ABTB1: variants seen among roughly 807,000 people sequenced by gnomAD.
The protein encoded by ABTB1 is ankyrin repeat and BTB/POZ domain-containing protein 1.
A neutral mutation model predicts 57.1 loss-of-function variants in ABTB1; 45 were observed. The ratio of observed to expected loss-of-function variants is 0.79; its 90% CI spans 0.62 to 1.01. ABTB1 has a LOEUF of 1.01. Among genes scored for constraint, ABTB1 ranks in the 50% least tolerant of loss-of-function variants. ABTB1 has a pLI of 0.00. For missense variants in ABTB1, 630 were observed against 666.3 expected (o/e 0.95, Z 0.60); for synonymous variants, 302 against 275.4 (o/e 1.10, Z -0.95).
At position 127,674,557 on chromosome 3, in the gene ABTB1, C is replaced by T. The variant is rs763634953; in HGVS notation, c.132C>T (p.Cys44=). 2 of 1,614,196 alleles carry T rather than the reference C, an allele frequency of 1.2e-6. No individual in the cohort carries two copies. Among genetic ancestry groups the T allele is most frequent in the East Asian group, 2.2e-5 (1 of 44,878 alleles). ...KWDSTPLYYA[C]LCGHEELVLY... ...TTCCTCCCTTCAGGTACTATGCCTG[C>T]TTGTGTGGGCACGAGGAGCTGGTAC... is the stretch of plus-strand genomic sequence containing the variant. Residue 44 remains cysteine, a synonymous_variant, in exon 3 of 12, where the codon TGC becomes TGT. Coordinates refer to ENST00000232744, the MANE Select transcript of ABTB1 (RefSeq NM_172027.3).
Position 127,677,236 on chromosome 3 carries a change from C to A in ABTB1, c.712C>A (p.Arg238=), listed in dbSNP as rs756189995. ...IEPPPADPRL[R]EDMALLADCA... is the part of the protein sequence containing the mutation. Reference sequence around the variant, plus strand: ...GCCCCCACCTGCAGACCCCCGCCTCCGGGAGGACATGGCGCTGCTGGCCGA... The same window carrying A: ...GCCCCCACCTGCAGACCCCCGCCTCAGGGAGGACATGGCGCTGCTGGCCGA... The change falls in exon 8 of 12, where the codon CGG becomes AGG. Residue 238 remains arginine (R), a synonymous_variant. Coordinates refer to ENST00000232744, the MANE Select transcript of ABTB1 (RefSeq NM_172027.3). 1 of 1,603,592 alleles carries A rather than the reference C, an allele frequency of 6.2e-7. No individual in the cohort carries two copies. Among genetic ancestry groups the A allele is most frequent in the Admixed American group, 1.7e-5 (1 of 58,254 alleles).
intron 3 of ABTB1, among the ~76,000 whole-genome samples, chr3:127,675,267 T>TTC (rs2074951840): frequency 1.4e-5 from 2 of 144,120 alleles, no homozygotes; most frequent in African/African-American, 5.1e-5. Flanking sequence ...GTTTTTTCTT[T>TTC]TTTTTTTTTT....
At chr3:127,675,224 C>A (rs1258913576) in intron 3 of ABTB1, among the ~76,000 whole-genome samples, 1 of 151,908 alleles carries the variant, frequency 6.6e-6, no homozygotes, top group East Asian at 1.9e-4. Context: ...TCATGACTTC[C>A]CTTCATTCAG....
chr3:127,680,357 T>A lies in ABTB1; in HGVS notation c.1319T>A (p.Val440Glu), dbSNP rs2107562097. Reference sequence around the variant, plus strand: ...CAGGAGACGGACTCTATCCCGCTGGTGGACGACATCCGCTTCCACGTGGCC... The same window carrying A: ...CAGGAGACGGACTCTATCCCGCTGGAGGACGACATCCGCTTCCACGTGGCC... Reference protein sequence around the residue: ...ARQETDSIPLVDDIRFHVAST... With the variant: ...ARQETDSIPLEDDIRFHVAST... The change falls in exon 12 of 12, where the codon GTG (valine) becomes GAG (glutamate). Residue 440 changes from valine (V) to glutamate (E), a missense_variant. By Grantham distance (121) the Val-to-Glu change is moderately radical. Around this residue, in one of 3 missense-constraint regions of ABTB1, gnomAD observed 8 missense variants for 24.2 expected, o/e 0.33. Transcript: ENST00000232744. The A allele has an allele frequency of 6.2e-7, 1 of 1,609,108 alleles. No individual in the cohort carries two copies. Among genetic ancestry groups the A allele is most frequent in the East Asian group, 2.2e-5 (1 of 44,666 alleles).
rs775727943 is a variant in ABTB1 at position 127,673,075 on chromosome 3, G to A, written c.50G>A (p.Arg17Gln). ...FASCRKGDVG[R>Q]VRYLLEQRDV... ...AGCTGCAGGAAGGGGGATGTGGGCC[G>A]AGTGCGGTGAGGACCTCGCAGTCCC... Residue 17 changes from arginine to glutamine, a missense_variant, in exon 1 of 12, where the codon CGA becomes CAA. Coordinates refer to ENST00000232744, the MANE Select transcript of ABTB1 (RefSeq NM_172027.3). The A allele has an allele frequency of 6.4e-7, 1 of 1,571,156 alleles. No individual in the cohort carries two copies. The highest frequency in any genetic ancestry group is 8.6e-7 in the Non-Finnish European group (1 of 1,158,682).
chr3:127,674,356 G>A (rs375767771), intron 1 of ABTB1, 35 bp from the exon 2 acceptor site: 9 of 1,589,134 alleles, frequency 5.7e-6, no homozygotes, highest in South Asian at 3.4e-5. Context: ...CCATGAACCC[G>A]TCCTGACCCA....
intron 3 of ABTB1, 118 bp from the exon 4 acceptor site, chr3:127,675,852 G>T: frequency 7.2e-7 from 1 of 1,387,036 alleles, no homozygotes; most frequent in Non-Finnish European, 9.8e-7. Flanking sequence ...GGGTAATTTG[G>T]GAAGGCATCG....
At chr3:127,677,339 C>G (rs918203709) in intron 8 of ABTB1, 53 bp downstream of exon 8, 185 of 1,559,848 alleles carry the variant, frequency 1.2e-4, no homozygotes, top group Non-Finnish European at 1.1e-4. Flanking sequence ...CAGGCCGTGA[C>G]AGGCAGCCCA....
At chr3:127,679,954 G>A (rs2075088325) in intron 10 of ABTB1, 31 bp from the exon 11 acceptor site, 1 of 1,610,088 alleles carries the variant, frequency 6.2e-7, no homozygotes, top group Non-Finnish European at 8.5e-7. Flanking sequence ...GGTGACCTCG[G>A]GGGGCACCTT....
rs1259239030 is a variant in ABTB1, at chr3:127,676,016, T to C, written c.222T>C (p.Tyr74=). ...CCTTCGATGGTGAGCGCTGCCTCTA[T>C]GGGGCACTGAGTGACCCCATCCGCC... ...ANTFDGERCL[Y]GALSDPIRRA... is the part of the protein sequence containing the mutation. The change falls in exon 4 of 12, where the codon TAT becomes TAC. Residue 74 remains tyrosine, a synonymous_variant. Coordinates refer to ENST00000232744, the MANE Select transcript of ABTB1 (RefSeq NM_172027.3). The surrounding 1 kb of genome is among the most constrained non-coding windows in gnomAD (Gnocchi z 5.4). The C allele has an allele frequency of 6.2e-7, 1 of 1,612,708 alleles. No individual in the cohort carries two copies. Among genetic ancestry groups the C allele is most frequent in the South Asian group, 1.1e-5 (1 of 91,016 alleles).
At chr3:127,679,653 C>A (rs1243788602) in intron 10 of ABTB1, 3 of 515,856 alleles carry the variant, frequency 5.8e-6, no homozygotes, top group Non-Finnish European at 7.5e-6. Context: ...TTGCCCAGGG[C>A]CCCACAGCTA....
At chr3:127,678,616 A>G (rs946904841) in intron 10 of ABTB1, 30 of 152,414 alleles carry the variant, frequency 2.0e-4, no homozygotes, top group African/African-American at 6.3e-4. Context: ...GCTGCATTCC[A>G]ATAAAACTTT....
chr3:127,678,089 T>C (rs187851679), intron 10 of ABTB1: 55 of 292,912 alleles, frequency 1.9e-4, no homozygotes, highest in African/African-American at 1.2e-3. Flanking sequence ...GTCAGCCACT[T>C]GGGATCCTCA....
rs1431326236 is a variant in ABTB1 at position 127,677,753 on chromosome 3, C to T, written c.939C>T (p.Thr313=). The T allele has an allele frequency of 7.4e-6, 12 of 1,611,554 alleles. No homozygotes were observed. Among genetic ancestry groups the T allele is most frequent in the Non-Finnish European group, 1.0e-5 (12 of 1,179,196 alleles). Reference sequence around the variant, plus strand: ...TCCGAGAGAGCGAGGAGCCAGCGACCTCAGGGGGCCCCCCAGCCGTCACCC... The same window carrying T: ...TCCGAGAGAGCGAGGAGCCAGCGACTTCAGGGGGCCCCCCAGCCGTCACCC... ...DHFRESEEPA[T]SGGPPAVTLH... Residue 313 remains threonine (T), a synonymous_variant, in exon 10 of 12, where the codon ACC becomes ACT. Transcript: ENST00000232744.
chr3:127,676,563 C>T lies in ABTB1; in HGVS notation c.508C>T (p.Leu170=). ...LINPVAFGAL[L]QYLYTGRLDI... is the part of the protein sequence containing the mutation. ...CAACCCCGTGGCCTTTGGGGCCCTG[C>T]TGCAGTACCTGTACACAGGTGACCC... is the stretch of plus-strand genomic sequence containing the variant. The change falls in exon 6 of 12, where the codon CTG becomes TTG. Residue 170 remains leucine, a synonymous_variant. Coordinates refer to ENST00000232744, the MANE Select transcript of ABTB1 (RefSeq NM_172027.3). The surrounding 1 kb of genome is among the most constrained non-coding windows in gnomAD (Gnocchi z 5.4). 3.1e-6 allele frequency: 5 copies of T among 1,613,994 alleles called. No homozygotes were observed. The highest frequency in any genetic ancestry group is 4.2e-6 in the Non-Finnish European group (5 of 1,179,988).
Position 127,676,970 on chromosome 3 carries a change from G to T in ABTB1, c.530G>T (p.Arg177Leu). The T allele has an allele frequency of 6.2e-7, 1 of 1,613,166 alleles. No individual in the cohort carries two copies. The highest frequency in any genetic ancestry group is 8.5e-7 in the Non-Finnish European group (1 of 1,179,600). ...TCATCCTCCCCACTGCCCCCAGGCC[G>T]CCTGGACATTGGCGTAGAGCATGTG... ...GALLQYLYTGRLDIGVEHVSD... is the reference protein window; with the variant it reads ...GALLQYLYTGLLDIGVEHVSD... Residue 177 changes from arginine to leucine, a missense_variant, in exon 7 of 12, where the codon CGC (arginine) becomes CTC (leucine). Transcript: ENST00000232744. This position sits in a 1 kb window ranked among gnomAD's most constrained non-coding sequence, Gnocchi z 5.4.
chr3:127,674,193 G>A (rs1428213110), intron 1 of ABTB1, 198 bp from the exon 2 acceptor site: 1 of 635,582 alleles, frequency 1.6e-6, no homozygotes, highest in East Asian at 2.8e-5. Flanking sequence ...GTGTCTGCCT[G>A]TTCGACCCCA....
In ABTB1 at chr3:127,680,387, C is replaced by T. The variant is rs756663574; in HGVS notation, c.1349C>T (p.Thr450Met). Residue 450 changes from threonine (T) to methionine (M), a missense_variant, in exon 12 of 12, where the codon ACG (threonine) becomes ATG (methionine). By Grantham distance (81) the Thr-to-Met change is moderately conservative. Transcript: ENST00000232744. Reference sequence around the variant, plus strand: ...GACATCCGCTTCCACGTGGCCAGCACGGTGCAGACCTACAGCGCCATAGAG... The same window carrying T: ...GACATCCGCTTCCACGTGGCCAGCATGGTGCAGACCTACAGCGCCATAGAG... ...VDDIRFHVAS[T>M]VQTYSAIEEA... is the part of the protein sequence containing the mutation. The T allele has an allele frequency of 1.1e-5, 18 of 1,607,796 alleles. No homozygotes were observed. The highest frequency in any genetic ancestry group is 6.7e-5 in the African/African-American group (5 of 74,894).
intron 10 of ABTB1, chr3:127,679,260 C>T: frequency 3.2e-6 from 1 of 310,008 alleles, no homozygotes; most frequent in Non-Finnish European, 6.4e-6. Context: ...GGATAGCTCT[C>T]GTCGTCACTT....
Sources: gnomAD v4.1 joint callset for allele counts (sites outside exome capture counted in the v4.1 genomes callset) on GRCh38, gnomAD v4.1.1 for gene constraint, gnomAD v4.1.1 regional missense constraint, Gnocchi (gnomAD v3.1) non-coding constraint, MANE v1.5 for transcripts, NCBI Gene and HGNC (gene_info 2026-07-23, HGNC 2026-07-21) for gene names.